Variants in DLG2 observed in about 807,000 individuals in gnomAD.
DLG2 encodes the protein discs large MAGUK scaffold protein 2, also known as disks large homolog 2.
DLG2 carries 45 observed loss-of-function variants against 132.5 expected under a neutral mutation model. That is an observed-to-expected ratio of 0.34 (90% CI 0.27 to 0.44). The LOEUF (loss-of-function observed/expected upper bound fraction) is 0.44, where lower values mean the gene tolerates loss of function less well. DLG2 is among the 20% of genes least tolerant of loss of function. The pLI is 1.00. For missense variants in DLG2, 1,045 were observed against 1,196.9 expected (o/e 0.87, Z 1.87); for synonymous variants, 424 against 419.6 (o/e 1.01, Z -0.13).
chr11:84,226,293 C>A (rs780107308), intron 8 of DLG2, among the ~76,000 whole-genome samples: 1 of 152,144 alleles, frequency 6.6e-6, no homozygotes, highest in African/African-American at 2.4e-5. Flanking sequence ...TTGTTTGTAA[C>A]AGCAGATTAC....
intron 7 of DLG2, among the ~76,000 whole-genome samples, chr11:84,489,440 C>G (rs2099158991): frequency 1.3e-5 from 2 of 152,108 alleles, no homozygotes; most frequent in African/African-American, 4.8e-5. Context: ...CCATTCCCTG[C>G]TTCCAGTGAA....
At chr11:84,393,404 A>G (rs7117729) in intron 7 of DLG2, among the ~76,000 whole-genome samples, 63,451 of 152,088 alleles carry the variant, frequency 0.42, 17,682 homozygotes, top group African/African-American at 0.8. Context: ...GTCTGTCTAC[A>G]GCTAAGCACT....
intron 6 of DLG2, among the ~76,000 whole-genome samples, chr11:85,037,556 C>T (rs1024922225): frequency 1.3e-5 from 2 of 152,098 alleles, no homozygotes; most frequent in Admixed American, 1.3e-4. Flanking sequence ...TAGTATTAGG[C>T]ATTATTATTA....
At chr11:84,549,032 G>A (rs950869013) in intron 6 of DLG2, among the ~76,000 whole-genome samples, 6 of 152,098 alleles carry the variant, frequency 3.9e-5, no homozygotes, top group Admixed American at 1.3e-4. Flanking sequence ...GGTTCAGTGT[G>A]GTATAAGTTT....
chr11:85,504,053 G>C (rs1323163084), intron 3 of DLG2, among the ~76,000 whole-genome samples: 3 of 152,098 alleles, frequency 2.0e-5, no homozygotes, highest in African/African-American at 7.2e-5. Context: ...CTTTTTGAGG[G>C]GGATGTTTGA....
intron 3 of DLG2, among the ~76,000 whole-genome samples, chr11:85,401,020 G>A (rs553794142): frequency 8.8e-4 from 133 of 150,494 alleles, no homozygotes; most frequent in Non-Finnish European, 1.7e-3. Context: ...AAGCCTGGCA[G>A]AGACATAACA....
chr11:85,169,136 AAT>A (rs2078665160), intron 4 of DLG2, among the ~76,000 whole-genome samples: 2 of 152,188 alleles, frequency 1.3e-5, no homozygotes, highest in African/African-American at 2.4e-5. Context: ...TACCAAATAC[AAT>A]GGGAACGCTA....
chr11:83,749,181 A>G (rs2093136829), intron 18 of DLG2, among the ~76,000 whole-genome samples: 1 of 152,206 alleles, frequency 6.6e-6, no homozygotes, highest in Non-Finnish European at 1.5e-5. Context: ...GATGGCAGTG[A>G]TGATTAGCAT....
At chr11:83,698,786 A>G (rs898454172) in intron 18 of DLG2, among the ~76,000 whole-genome samples, 2 of 152,040 alleles carry the variant, frequency 1.3e-5, no homozygotes, top group African/African-American at 2.4e-5. Context: ...TCCACATCCT[A>G]TGTTATCTCT....
rs142596606 is a variant in DLG2 at position 83,667,755 on chromosome 11, G to A, written c.1826-34430C>T. Among the ~76,000 whole-genome samples, 1,403 of 151,956 alleles carry A rather than the reference G, an allele frequency of 9.2e-3. 23 individuals are homozygous for A. The highest frequency in any genetic ancestry group is 0.031 in the African/African-American group (1,282 of 41,428). ...AGCACTTTGGGAGGCCGAGGCGGGC[G>A]GATCACGAGGTCAGGAGATTGAGAC... On this transcript the variant is annotated intron_variant, in intron 18 of 27. Coordinates refer to ENST00000376104, the MANE Select transcript of DLG2 (RefSeq NM_001142699.3).
intron 6 of DLG2, among the ~76,000 whole-genome samples, chr11:84,839,933 A>G (rs1174930824): frequency 6.6e-6 from 1 of 152,172 alleles, no homozygotes; most frequent in East Asian, 1.9e-4. Flanking sequence ...GGCATGGGCA[A>G]GGGCTTCATG....
At chr11:84,189,957 C>T (rs557221699) in intron 8 of DLG2, among the ~76,000 whole-genome samples, 9 of 151,326 alleles carry the variant, frequency 5.9e-5, no homozygotes, top group South Asian at 2.1e-4. Context: ...CTGCACATCC[C>T]GCACATGTAA....
rs183827175 is a variant in DLG2 at position 83,533,659 on chromosome 11, C to G, written c.2118-876G>C. Among the ~76,000 whole-genome samples the G allele has an allele frequency of 4.6e-5, 7 of 152,242 alleles. No individual in the cohort carries two copies. In the East Asian group the frequency reaches 1.2e-3, roughly 25 times the overall value. On this transcript the variant is annotated intron_variant, in intron 20 of 27. Transcript: ENST00000376104. ...TTTTTCACAGAAGGAACAACACATT[C>G]CTCAACCTGAAGATATGAGTGAGCT...
At chr11:83,609,003 C>G (rs1185494227) in intron 19 of DLG2, among the ~76,000 whole-genome samples, 1 of 152,128 alleles carries the variant, frequency 6.6e-6, no homozygotes, top group African/African-American at 2.4e-5. Context: ...CACATTCAAA[C>G]AGAAGCCCCC....
At chr11:85,075,561 TAC>T (rs1404934937) in intron 6 of DLG2, among the ~76,000 whole-genome samples, 1 of 151,804 alleles carries the variant, frequency 6.6e-6, no homozygotes, top group African/African-American at 2.4e-5. Flanking sequence ...AACCCCAAAT[TAC>T]AGAGTATACC....
chr11:84,440,385 T>C (rs569379625), intron 7 of DLG2, among the ~76,000 whole-genome samples: 42 of 152,240 alleles, frequency 2.8e-4, no homozygotes, highest in Admixed American at 1.3e-4. Flanking sequence ...GAAGACTCAA[T>C]AGAAGAATGG....
chr11:85,240,417 T>A (rs923507276), intron 4 of DLG2, among the ~76,000 whole-genome samples: 1 of 151,828 alleles, frequency 6.6e-6, no homozygotes, highest in African/African-American at 2.4e-5. Context: ...AAACAAAAGC[T>A]CTTATGTTTT....
At chr11:84,693,559 G>A (rs146384216) in intron 6 of DLG2, among the ~76,000 whole-genome samples, 49 of 151,604 alleles carry the variant, frequency 3.2e-4, no homozygotes, top group African/African-American at 1.1e-3. Context: ...TCCACATGCC[G>A]CAGGAAAAAA....
At chr11:85,331,297 A>G (rs1452385067) in intron 3 of DLG2, among the ~76,000 whole-genome samples, 2 of 152,190 alleles carry the variant, frequency 1.3e-5, no homozygotes, top group Non-Finnish European at 2.9e-5. Context: ...TGGCCAAAAA[A>G]AGTTCAATAT....
Sources: allele counts gnomAD v4.1 joint callset (sites outside exome capture counted in the v4.1 genomes callset), GRCh38; gene constraint gnomAD v4.1.1; transcripts MANE v1.5; gene names NCBI Gene and HGNC (gene_info 2026-07-23, HGNC 2026-07-21).